Variants in ADCY5 observed in about 807,000 individuals in gnomAD.
The protein encoded by ADCY5 is adenylate cyclase 5.
In ADCY5, 30 loss-of-function variants were observed where a neutral mutation model predicts 119.7. That is an observed-to-expected ratio of 0.25 (90% CI 0.19 to 0.34). ADCY5 has a LOEUF of 0.34. Among genes scored for constraint, ADCY5 ranks in the 10% least tolerant of loss-of-function variants. The pLI is 1.00. For missense variants in ADCY5, 1,324 were observed against 1,775.2 expected, an observed-to-expected ratio of 0.75 and a Z score of 4.57; for synonymous variants, 753 against 762.2, an observed-to-expected ratio of 0.99 and a Z score of 0.20.
intron 12 of ADCY5, among the ~76,000 whole-genome samples, chr3:123,311,225 C>T (rs1437545206): frequency 2.6e-5 from 4 of 152,194 alleles, no homozygotes; most frequent in African/African-American, 7.2e-5. Flanking sequence ...AAAGTTTCTG[C>T]GTTCTGGTAA....
chr3:123,447,612 C>A lies in ADCY5; in HGVS notation c.934G>T (p.Val312Phe). 1 of 1,607,368 alleles carries A rather than the reference C, an allele frequency of 6.2e-7. No homozygotes were observed. ...CYALIAVVLAVQVVGLLLPQP... is the reference protein window; with the variant it reads ...CYALIAVVLAFQVVGLLLPQP... ...GGCAGCAGCAGGCCCACCACCTGGA[C>A]GGCCAGCACCACGGCGATGAGCGCA... The change falls in exon 1 of 21, where the codon GTC becomes TTC. Residue 312 changes from valine to phenylalanine, a missense_variant. Transcript: ENST00000462833.
Position 123,424,667 on chromosome 3 carries a change from T to C in ADCY5, c.1134+22745A>G, listed in dbSNP as rs115355758. Among the ~76,000 whole-genome samples, 206 of 152,228 alleles carry C rather than the reference T, an allele frequency of 1.4e-3. 1 individual carries two copies. Among genetic ancestry groups the C allele is most frequent in the African/African-American group, 4.7e-3 (195 of 41,546 alleles). ...CCTCCAGCCTTACCCAGAATGACCG[T>C]CCTCCTGATGGCTTCTCCTTCTCCA... On this transcript the variant is annotated intron_variant, in intron 1 of 20. Transcript: ENST00000462833.
At chr3:123,382,248 C>T (rs528264003) in intron 1 of ADCY5, among the ~76,000 whole-genome samples, 1 of 152,354 alleles carries the variant, frequency 6.6e-6, no homozygotes, top group South Asian at 2.1e-4. Context: ...GACAACACTT[C>T]ATCCAGCCTT....
chr3:123,317,956 C>T, intron 11 of ADCY5, 64 bp downstream of exon 11: 1 of 1,454,190 alleles, frequency 6.9e-7, no homozygotes, highest in Non-Finnish European at 9.6e-7. Flanking sequence ...AATGACCACC[C>T]CCTCCCACTC....
intron 12 of ADCY5, among the ~76,000 whole-genome samples, chr3:123,312,808 T>C (rs1167909782): frequency 1.3e-5 from 2 of 152,262 alleles, no homozygotes; most frequent in African/African-American, 4.8e-5. Context: ...TGTTGATGGA[T>C]GCTTGGGTTG....
At chr3:123,358,214 C>T (rs1167236276) in intron 1 of ADCY5, among the ~76,000 whole-genome samples, 4 of 130,414 alleles carry the variant, frequency 3.1e-5, no homozygotes, top group South Asian at 4.6e-4. Context: ...GGTGGTATGG[C>T]GGAGCACGTG....
chr3:123,321,161 C>T (rs377368749), intron 8 of ADCY5, among the ~76,000 whole-genome samples: 30 of 152,324 alleles, frequency 2.0e-4, no homozygotes, highest in African/African-American at 7.2e-4. Context: ...AATTGCTGGG[C>T]TGCACAATCT....
In ADCY5 at chr3:123,314,215, C is replaced by T; in HGVS notation, c.2442+20G>A. ...AAGCGGGAAGAAGGTGGCTGCAACC[C>T]AGCTGTCAGCTACACTCACCTTTAC... is the stretch of plus-strand genomic sequence containing the variant. On this transcript the variant is annotated intron_variant, in intron 12 of 20. Coordinates refer to ENST00000462833, the MANE Select transcript of ADCY5 (RefSeq NM_183357.3). 1 of 1,598,192 alleles carries T rather than the reference C, an allele frequency of 6.3e-7. No homozygotes were observed. The highest frequency in any genetic ancestry group is 8.6e-7 in the Non-Finnish European group (1 of 1,166,848).
At chr3:123,342,982 G>T (rs79062094) in intron 3 of ADCY5, among the ~76,000 whole-genome samples, 4,732 of 152,290 alleles carry the variant, frequency 0.031, 243 homozygotes, top group African/African-American at 0.1. Context: ...GCTCCCAGCA[G>T]CCCTGCAAGG....
intron 1 of ADCY5, among the ~76,000 whole-genome samples, chr3:123,386,453 T>C (rs758352424): frequency 2.0e-5 from 3 of 152,204 alleles, no homozygotes; most frequent in Non-Finnish European, 4.4e-5. Context: ...GGAACTGGGG[T>C]GCCCCCAGAA....
At chr3:123,370,887 C>A (rs1174570303) in intron 1 of ADCY5, among the ~76,000 whole-genome samples, 1 of 152,002 alleles carries the variant, frequency 6.6e-6, no homozygotes. Context: ...GGAGAAATCA[C>A]AACACACAGG....
rs1939939148 is a variant in ADCY5, at chr3:123,303,100, C to T, written c.2679G>A (p.Glu893=). 3.1e-6 allele frequency: 5 copies of T among 1,613,746 alleles called. No homozygotes were observed. The Admixed American group carries it at 8.3e-5, about 27-fold the overall frequency. ...GCCAGGGGCTGCCACAGAAGCCCTGCTCATCGCCCAGGCTGTAGTTGACGG... is the reference window on the plus strand; with the variant it reads ...GCCAGGGGCTGCCACAGAAGCCCTGTTCATCGCCCAGGCTGTAGTTGACGG... ...ESAVNYSLGD[E]QGFCGSPWPN... is the part of the protein sequence containing the mutation. Residue 893 remains glutamate, a synonymous_variant, in exon 14 of 21, where the codon GAG becomes GAA. Coordinates refer to ENST00000462833, the MANE Select transcript of ADCY5 (RefSeq NM_183357.3).
chr3:123,446,763 A>G (rs1945823094), intron 1 of ADCY5, among the ~76,000 whole-genome samples: 1 of 152,168 alleles, frequency 6.6e-6, no homozygotes, highest in South Asian at 2.1e-4. Flanking sequence ...TCAGGCCGGA[A>G]GGGGAATTGC....
At chr3:123,294,203 T>C (rs191799795) in intron 17 of ADCY5, among the ~76,000 whole-genome samples, 1 of 152,258 alleles carries the variant, frequency 6.6e-6, no homozygotes, top group Admixed American at 6.5e-5. Context: ...TTCTGTGCAG[T>C]AGAATGCCAA....
intron 1 of ADCY5, among the ~76,000 whole-genome samples, chr3:123,362,719 C>T (rs1159669706): frequency 2.0e-5 from 3 of 152,198 alleles, no homozygotes; most frequent in South Asian, 4.1e-4. Context: ...ATAAACTCTG[C>T]AGGCTCCACA....
chr3:123,343,717 G>A (rs962860352), intron 3 of ADCY5, among the ~76,000 whole-genome samples: 3 of 152,266 alleles, frequency 2.0e-5, no homozygotes, highest in African/African-American at 7.2e-5. Flanking sequence ...GTGTGGGGAG[G>A]GCACAGCTCC....
intron 10 of ADCY5, among the ~76,000 whole-genome samples, chr3:123,318,576 C>T (rs1042437312): frequency 1.3e-5 from 2 of 152,162 alleles, no homozygotes; most frequent in Non-Finnish European, 2.9e-5. Context: ...AGGCTCCCAG[C>T]CCCAGCTCCG....
Position 123,423,778 on chromosome 3 carries a change from G to T in ADCY5, c.1134+23634C>A, listed in dbSNP as rs112186707. 2.5e-3 allele frequency among the ~76,000 whole-genome samples: 377 copies of T among 152,332 alleles called. 2 individuals are homozygous for T. The highest frequency in any genetic ancestry group is 5.5e-3 in the Admixed American group (84 of 15,306). Reference sequence around the variant, plus strand: ...TCCTGAGGCCAAGAAGGGTTCTCGGGTATGAGGAAAGAAGGGCAGGGGAGG... The same window carrying T: ...TCCTGAGGCCAAGAAGGGTTCTCGGTTATGAGGAAAGAAGGGCAGGGGAGG... On this transcript the variant is annotated intron_variant, in intron 1 of 20. Transcript: ENST00000462833.
At chr3:123,314,673 C>A (rs955222689) in intron 11 of ADCY5, among the ~76,000 whole-genome samples, 2 of 152,234 alleles carry the variant, frequency 1.3e-5, no homozygotes, top group Admixed American at 1.3e-4. Flanking sequence ...CTCAGCTATT[C>A]ACTGATGTGC....
Sources: gnomAD v4.1 joint callset for allele counts (sites outside exome capture counted in the v4.1 genomes callset) on GRCh38, gnomAD v4.1.1 for gene constraint, MANE v1.5 for transcripts, NCBI Gene and HGNC (gene_info 2026-07-23, HGNC 2026-07-21) for gene names.